TBX5: variants seen among roughly 807,000 people sequenced by gnomAD.
TBX5 encodes the protein T-box transcription factor TBX5.
In TBX5, 8 loss-of-function variants were observed where a neutral mutation model predicts 51.1. The ratio of observed to expected loss-of-function variants is 0.16; its 90% CI spans 0.09 to 0.28. The LOEUF is 0.28. TBX5 is among the 10% of genes least tolerant of loss of function. TBX5 has a pLI of 1.00. For missense variants in TBX5, 589 were observed against 671.7 expected (o/e 0.88, Z 1.36); for synonymous variants, 302 against 266.4 (o/e 1.13, Z -1.30).
rs1480358207 is a variant in TBX5, at chr12:114,399,762, C to T, written c.243-130G>A. ...GGAAGCGGAAACTAGCCCCGTTCCG[C>T]TCTCCGCAAGATCCATCCCGGGTTT... On this transcript the variant is annotated intron_variant, in intron 3 of 8. Transcript: ENST00000405440. The T allele has an allele frequency of 2.1e-6, 3 of 1,445,116 alleles. No individual in the cohort carries two copies. In the East Asian group the frequency reaches 6.9e-5, roughly 33 times the overall value. 89.5% of individuals were successfully genotyped at this position (1,445,116 alleles called of 1,614,324 possible).
chr12:114,385,797 GC>G (rs1300672223), intron 6 of TBX5, among the ~76,000 whole-genome samples: 2 of 150,632 alleles, frequency 1.3e-5, no homozygotes, highest in Admixed American at 1.3e-4. Context: ...GGTTTGGTTT[GC>G]CCATTAATTG....
chr12:114,370,422 G>T (rs954233271), intron 7 of TBX5, among the ~76,000 whole-genome samples: 2 of 152,210 alleles, frequency 1.3e-5, no homozygotes. Flanking sequence ...AGGCAAAGCT[G>T]AGTCTCACCC....
intron 8 of TBX5, among the ~76,000 whole-genome samples, chr12:114,359,745 G>A (rs759589310): frequency 3.3e-5 from 5 of 152,186 alleles, no homozygotes; most frequent in African/African-American, 7.2e-5. Flanking sequence ...ATGCTCGCTC[G>A]CCATGTGACT....
intron 8 of TBX5, among the ~76,000 whole-genome samples, chr12:114,356,472 A>G (rs1032412884): frequency 2.0e-5 from 3 of 152,186 alleles, no homozygotes; most frequent in African/African-American, 4.8e-5. Flanking sequence ...GTGCACGCCT[A>G]TAGTTCCAGC....
rs552634822 is a variant in TBX5 at position 114,354,796 on chromosome 12, A to G, written c.*736T>C. ...GCTGGCAAGATGGTAGGGCTGAATA[A>G]GATAGGATGCCAGGGAGCGTCAGTG... On this transcript the variant is annotated 3_prime_UTR_variant, in exon 9 of 9. Coordinates refer to ENST00000405440, the MANE Select transcript of TBX5 (RefSeq NM_181486.4). 1 of 153,136 alleles carries G rather than the reference A, an allele frequency of 6.5e-6. No homozygotes were observed. The highest frequency in any genetic ancestry group is 2.1e-4 in the South Asian group (1 of 4,828). The allele number at this position is 153,136 out of a possible 1,614,324, so 9.5% of individuals were successfully genotyped here. A position where few individuals can be genotyped will look rare whatever the true frequency, so the allele number is the denominator to read the frequency against.
chr12:114,405,696 C>A lies in TBX5; in HGVS notation c.-107G>T. The A allele has an allele frequency of 1.0e-6, 1 of 985,468 alleles. No homozygotes were observed. The highest frequency in any genetic ancestry group is 1.2e-6 in the Non-Finnish European group (1 of 829,974). 61.0% of individuals were successfully genotyped at this position (985,468 alleles called of 1,614,324 possible). Reference sequence around the variant, plus strand: ...CCTAGCAGGGAAGCCGGCGGTGAGGCGGGGGAGCAGGCATGGTGGCTCCGG... The same window carrying A: ...CCTAGCAGGGAAGCCGGCGGTGAGGAGGGGGAGCAGGCATGGTGGCTCCGG... On this transcript the variant is annotated 5_prime_UTR_variant, in exon 1 of 9. Coordinates refer to ENST00000405440, the MANE Select transcript of TBX5 (RefSeq NM_181486.4).
chr12:114,356,824 T>A (rs1868945376), intron 8 of TBX5, among the ~76,000 whole-genome samples: 1 of 152,168 alleles, frequency 6.6e-6, no homozygotes, highest in Non-Finnish European at 1.5e-5. Context: ...ATTATCCTCA[T>A]CTTACAGATG....
chr12:114,389,230 A>C (rs16934275), intron 6 of TBX5, among the ~76,000 whole-genome samples: 4,080 of 152,180 alleles, frequency 0.027, 122 homozygotes, highest in East Asian at 0.15. Context: ...GCTTGGCCTC[A>C]GATTTTTTCT....
At position 114,395,010 on chromosome 12, in the gene TBX5, A is replaced by T. The variant is rs1213274140; in HGVS notation, c.511-117T>A. On this transcript the variant is annotated intron_variant, in intron 5 of 8. Transcript: ENST00000405440. ...TGTTATATCGGCTCTCGAAAAATAG[A>T]TATTTTTCTTCTGTTTTGAAAAGGG... 4.0e-5 allele frequency: 40 copies of T among 1,003,930 alleles called. No individual in the cohort carries two copies. In the East Asian group the frequency reaches 9.8e-4, roughly 25 times the overall value. 62.2% of individuals were successfully genotyped at this position (1,003,930 alleles called of 1,614,324 possible). A position where few individuals can be genotyped will look rare whatever the true frequency, so the allele number is the denominator to read the frequency against.
Position 114,403,899 on chromosome 12 carries a change from G to C in TBX5, c.-1C>G. On this transcript the variant is annotated 5_prime_UTR_variant, in exon 2 of 9. Coordinates refer to ENST00000405440, the MANE Select transcript of TBX5 (RefSeq NM_181486.4). ...CAAAGCCCTCGTCTGCGTCGGCCAT[G>C]GTGCGCCCAGGGCCCTGTGCCCGCG... is the stretch of plus-strand genomic sequence containing the variant. 1 of 1,611,648 alleles carries C rather than the reference G, an allele frequency of 6.2e-7. No homozygotes were observed. Among genetic ancestry groups the C allele is most frequent in the Non-Finnish European group, 8.5e-7 (1 of 1,179,826 alleles).
chr12:114,375,447 G>GA (rs1298136601), intron 7 of TBX5, among the ~76,000 whole-genome samples: 1 of 151,958 alleles, frequency 6.6e-6, no homozygotes, highest in Admixed American at 6.6e-5. Flanking sequence ...CAATAGTGGT[G>GA]AAAAAAATCC....
chr12:114,366,135 A>G (rs1395038733), intron 8 of TBX5, 30 bp downstream of exon 8: 1 of 1,611,140 alleles, frequency 6.2e-7, no homozygotes, highest in Non-Finnish European at 8.5e-7. Flanking sequence ...TAAGAAAGAA[A>G]GCAAATTGAC....
intron 5 of TBX5, 100 bp downstream of exon 5, chr12:114,398,473 A>G: frequency 6.7e-7 from 1 of 1,498,844 alleles, no homozygotes; most frequent in African/African-American, 1.4e-5. Flanking sequence ...AAAAGGAGAA[A>G]TGTAGGCACA....
chr12:114,380,580 G>A (rs1231979761), intron 7 of TBX5, among the ~76,000 whole-genome samples: 2 of 152,150 alleles, frequency 1.3e-5, no homozygotes, highest in Admixed American at 1.3e-4. Context: ...TCTAAAACCT[G>A]TAATTCCCAT....
chr12:114,356,909 T>G (rs1311438055), intron 8 of TBX5, among the ~76,000 whole-genome samples: 2 of 152,184 alleles, frequency 1.3e-5, no homozygotes, highest in Non-Finnish European at 2.9e-5. Context: ...GAGCCAGGAT[T>G]AGAATCCAAG....
At position 114,403,857 on chromosome 12, in the gene TBX5, A is replaced by C. The variant is rs1156827760; in HGVS notation, c.42T>G (p.Pro14=). The C allele has an allele frequency of 6.2e-7, 1 of 1,613,394 alleles. No homozygotes were observed. The highest frequency in any genetic ancestry group is 1.3e-5 in the African/African-American group (1 of 74,728). The change falls in exon 2 of 9, where the codon CCT becomes CCG. Residue 14 remains proline (P), a synonymous_variant. Coordinates refer to ENST00000405440, the MANE Select transcript of TBX5 (RefSeq NM_181486.4). ...GCAGGTCTTTTGCGTCAGGCTCCAGAGGCGTGTGCGCCAGGCCAAAGCCCT... is the reference window on the plus strand; with the variant it reads ...GCAGGTCTTTTGCGTCAGGCTCCAGCGGCGTGTGCGCCAGGCCAAAGCCCT... The part of the protein sequence containing the change: ...ADEGFGLAHT[P]LEPDAKDLPC...
chr12:114,400,443 A>C (rs1053749747), intron 3 of TBX5, among the ~76,000 whole-genome samples: 4 of 152,176 alleles, frequency 2.6e-5, no homozygotes, highest in East Asian at 3.9e-4. Context: ...GCCCTGGCGC[A>C]CTCCAAATTT....
At chr12:114,403,339 A>T (rs1421836575) in intron 2 of TBX5, among the ~76,000 whole-genome samples, 1 of 152,222 alleles carries the variant, frequency 6.6e-6, no homozygotes, top group African/African-American at 2.4e-5. Context: ...GGGTCAAGCC[A>T]TCGCTCATGC....
At chr12:114,356,242 A>G in intron 8 of TBX5, 136 bp from the exon 9 acceptor site, 4 of 864,588 alleles carry the variant, frequency 4.6e-6, no homozygotes, top group African/African-American at 1.7e-5. Flanking sequence ...CTGAATACAA[A>G]AAAAGGGGGT....
Sources: gnomAD v4.1 joint callset for allele counts (sites outside exome capture counted in the v4.1 genomes callset) on GRCh38, gnomAD v4.1.1 for gene constraint, MANE v1.5 for transcripts, NCBI Gene and HGNC (gene_info 2026-07-23, HGNC 2026-07-21) for gene names.